RYR3: variants seen among roughly 807,000 people sequenced by gnomAD.
The protein encoded by RYR3 is brain ryanodine receptor-calcium release channel.
In RYR3, 207 loss-of-function variants were observed where a neutral mutation model predicts 584.3. The ratio of observed to expected loss-of-function variants is 0.35; its 90% CI spans 0.32 to 0.40. The LOEUF is 0.40. Among genes scored for constraint, RYR3 ranks in the 10% least tolerant of loss-of-function variants. RYR3 has a pLI of 1.00. For synonymous variants in RYR3, 2,416 were observed against 2,248.5 expected (o/e 1.07, Z -2.11); for missense variants, 5,616 against 6,089.2 (o/e 0.92, Z 2.59).
chr15:33,477,628 T>C (rs2248672), intron 2 of RYR3, among the ~76,000 whole-genome samples: 94,280 of 147,340 alleles, frequency 0.64, 31,154 homozygotes, highest in African/African-American at 0.83. Context: ...GTAATCCCAG[T>C]ACTTTAGGAG....
chr15:33,795,387 T>TTC (rs1312244987), intron 67 of RYR3, among the ~76,000 whole-genome samples: 10 of 72,738 alleles, frequency 1.4e-4, no homozygotes, highest in African/African-American at 4.2e-4. Context: ...TTTCTTTTTT[T>TTC]TTTTTTTTTT....
At chr15:33,336,440 A>AG (rs1971001110) in intron 1 of RYR3, among the ~76,000 whole-genome samples, 1 of 12,142 alleles carries the variant, frequency 8.2e-5, no homozygotes, top group Non-Finnish European at 1.2e-4. Context: ...GAAAGAAAGA[A>AG]AGAGAGAGAG....
At chr15:33,783,514 A>G (rs1195373265) in intron 65 of RYR3, among the ~76,000 whole-genome samples, 1 of 152,260 alleles carries the variant, frequency 6.6e-6, no homozygotes, top group Non-Finnish European at 1.5e-5. Flanking sequence ...AAAGGTCATT[A>G]TAATGGCTCC....
At chr15:33,585,382 C>T (rs2058796696) in intron 15 of RYR3, among the ~76,000 whole-genome samples, 2 of 152,122 alleles carry the variant, frequency 1.3e-5, no homozygotes, top group Admixed American at 1.3e-4. Flanking sequence ...CATGATATTA[C>T]CGTGTATGTG....
intron 86 of RYR3, among the ~76,000 whole-genome samples, chr15:33,831,359 A>G (rs2077664063): frequency 6.6e-6 from 1 of 152,270 alleles, no homozygotes; most frequent in Non-Finnish European, 1.5e-5. Context: ...CTTAAACTAA[A>G]AATTTTTCAT....
Position 33,652,794 on chromosome 15 carries a change from G to A in RYR3, c.4219G>A (p.Val1407Met), listed in dbSNP as rs1430659504. 15 of 1,613,802 alleles carry A rather than the reference G, an allele frequency of 9.3e-6. No individual in the cohort carries two copies. Among genetic ancestry groups the A allele is most frequent in the South Asian group, 3.3e-5 (3 of 91,046 alleles). The change falls in exon 32 of 104, where the codon GTG (valine) becomes ATG (methionine). Residue 1407 changes from valine (V) to methionine (M), a missense_variant. Val to Met is a conservative substitution (Grantham distance 21). This residue lies in a region of RYR3 where 753 missense variants were observed against 741.0 expected (regional missense o/e 1.02). Transcript: ENST00000634891. Reference protein sequence around the residue: ...ASSQRSNRSNVDLEIGCLVDL... With the variant: ...ASSQRSNRSNMDLEIGCLVDL... ...TTCCCAGAGATCAAATCGGAGCAAC[G>A]TGGACCTGGAGATCGGCTGTCTCGT...
chr15:33,758,909 G>C (rs12899292), intron 60 of RYR3, among the ~76,000 whole-genome samples: 14,386 of 152,170 alleles, frequency 0.095, 925 homozygotes, highest in East Asian at 0.27. Context: ...GCTGGCATCT[G>C]TCAGGTTCCC....
chr15:33,438,113 GA>G (rs1252514288), intron 1 of RYR3, among the ~76,000 whole-genome samples: 1 of 152,034 alleles, frequency 6.6e-6, no homozygotes, highest in Non-Finnish European at 1.5e-5. Flanking sequence ...GATGTTTTTT[GA>G]ACTAAGAAAA....
intron 1 of RYR3, among the ~76,000 whole-genome samples, chr15:33,435,399 C>T (rs1007709775): frequency 8.5e-5 from 13 of 152,224 alleles, no homozygotes; most frequent in African/African-American, 3.1e-4. Flanking sequence ...TGTGGCATTC[C>T]AGTGTATACA....
intron 1 of RYR3, among the ~76,000 whole-genome samples, chr15:33,437,999 C>T (rs920106907): frequency 6.6e-6 from 1 of 152,132 alleles, no homozygotes; most frequent in African/African-American, 2.4e-5. Context: ...TATATATTGA[C>T]AAATGATAAA....
At chr15:33,443,366 C>T (rs758708235) in intron 1 of RYR3, among the ~76,000 whole-genome samples, 3 of 151,934 alleles carry the variant, frequency 2.0e-5, no homozygotes, top group Non-Finnish European at 4.4e-5. Flanking sequence ...TCAGTGTGCC[C>T]TGGAACTGTT....
At chr15:33,651,716 C>G (rs1042007014) in intron 31 of RYR3, among the ~76,000 whole-genome samples, 1 of 152,222 alleles carries the variant, frequency 6.6e-6, no homozygotes, top group African/African-American at 2.4e-5. Context: ...AGGACCACAA[C>G]AGGAAGCCAA....
chr15:33,592,216 G>C (rs1041099940), intron 16 of RYR3, among the ~76,000 whole-genome samples: 3 of 152,216 alleles, frequency 2.0e-5, no homozygotes, highest in African/African-American at 7.2e-5. Context: ...CAAGGCCAGT[G>C]GGAGGGCTTG....
intron 38 of RYR3, among the ~76,000 whole-genome samples, chr15:33,695,677 C>G (rs1399266970): frequency 6.6e-6 from 1 of 152,004 alleles, no homozygotes; most frequent in Non-Finnish European, 1.5e-5. Flanking sequence ...TAGTTAGCAC[C>G]CTCAACTCAT....
chr15:33,671,968 C>A (rs1382364578), intron 38 of RYR3, among the ~76,000 whole-genome samples: 1 of 151,984 alleles, frequency 6.6e-6, no homozygotes, highest in Non-Finnish European at 1.5e-5. Flanking sequence ...CATGCGCCAC[C>A]ATGTCTGGCT....
chr15:33,314,997 T>A (rs1240010090), intron 1 of RYR3, among the ~76,000 whole-genome samples: 1 of 152,142 alleles, frequency 6.6e-6, no homozygotes, highest in Non-Finnish European at 1.5e-5. Flanking sequence ...GACATTTGTT[T>A]GCATTAGTTT....
chr15:33,493,374 A>T lies in RYR3; in HGVS notation c.172-10257A>T, dbSNP rs188930003. Among the ~76,000 whole-genome samples the T allele has an allele frequency of 6.1e-4, 93 of 152,322 alleles. 2 individuals are homozygous for T. The highest frequency in any genetic ancestry group is 3.5e-3 in the Admixed American group (53 of 15,296). ...TAACATCTTCATGGTTTCTCATCAC[A>T]GCATCCATTGAAAGCTAGAATTCCA... On this transcript the variant is annotated intron_variant, in intron 2 of 103. Transcript: ENST00000634891.
chr15:33,453,699 C>A (rs1560968), intron 1 of RYR3, among the ~76,000 whole-genome samples: 96,359 of 152,006 alleles, frequency 0.63, 31,618 homozygotes, highest in African/African-American at 0.83. Context: ...GCAACAGTTG[C>A]CACGCAGTTT....
In RYR3 at chr15:33,772,296, AAAGAAGAAG is replaced by A. The variant is rs57592758; in HGVS notation, c.9055+154_9055+162del. The A allele has an allele frequency of 6.3e-3, 3,547 of 564,950 alleles. 79 individuals carry two copies. Among genetic ancestry groups the A allele is most frequent in the African/African-American group, 0.052 (2,751 of 53,358 alleles). 35.0% of individuals were successfully genotyped at this position (564,950 alleles called of 1,614,324 possible). ...CATGCCTTTTCTTTCTTAGATTAAA[AAAGAAGAAG>A]AAGAAGAAGAAGAAGTAATATACTC... On this transcript the variant is annotated intron_variant, in intron 63 of 103. Coordinates refer to ENST00000634891, the MANE Select transcript of RYR3 (RefSeq NM_001036.6).
Sources: gnomAD v4.1 joint callset for allele counts (sites outside exome capture counted in the v4.1 genomes callset) on GRCh38, gnomAD v4.1.1 for gene constraint, gnomAD v4.1.1 regional missense constraint, MANE v1.5 for transcripts, NCBI Gene and HGNC (gene_info 2026-07-23, HGNC 2026-07-21) for gene names.